The following GTF2H3 variants were observed in gnomAD, a reference collection of about 807,000 sequenced individuals.
The protein encoded by GTF2H3 is general transcription factor IIH subunit 3, also known as TFIIH basal transcription factor complex p34 subunit.
A neutral mutation model predicts 51.1 loss-of-function variants in GTF2H3; 42 were observed. The observed-to-expected ratio is 0.82, with a 90% CI of 0.64 to 1.06. The LOEUF (loss-of-function observed/expected upper bound fraction) is 1.06. Among genes scored for constraint, GTF2H3 ranks in the 50% least tolerant of loss-of-function variants. GTF2H3 has a pLI of 0.00. For synonymous variants in GTF2H3, 123 were observed against 123.8 expected, an observed-to-expected ratio of 0.99 and a Z score of 0.04; for missense variants, 326 against 366.1, an observed-to-expected ratio of 0.89 and a Z score of 0.89.
At chr12:123,636,485 G>A (rs1955285058) in intron 1 of GTF2H3, among the ~76,000 whole-genome samples, 1 of 152,158 alleles carries the variant, frequency 6.6e-6, no homozygotes, top group Non-Finnish European at 1.5e-5. Flanking sequence ...TATTAAATGA[G>A]CATCCTAGAG....
In GTF2H3 at chr12:123,648,015, C is replaced by T; in HGVS notation, c.253C>T (p.Pro85Ser). 2 of 1,612,948 alleles carry T rather than the reference C, an allele frequency of 1.2e-6. No individual in the cohort carries two copies. Among genetic ancestry groups the T allele is most frequent in the South Asian group, 2.2e-5 (2 of 91,014 alleles). The change falls in exon 4 of 13, where the codon CCT becomes TCT. Residue 85 changes from proline (P) to serine (S), a missense_variant. Physicochemically the swap from Pro to Ser is moderately conservative, Grantham distance 74 (BLOSUM62 -1). Transcript: ENST00000543341. The stretch of plus-strand genomic sequence containing the variant: ...CAGACTTGGAGACTTCTTCGGAGAC[C>T]CTGGCAACCCTCCTGAATTTAATCC... ...NGRLGDFFGDPGNPPEFNPSG... is the reference protein window; with the variant it reads ...NGRLGDFFGDSGNPPEFNPSG...
intron 7 of GTF2H3, 88 bp from the exon 8 acceptor site, chr12:123,654,833 ATGT>A: frequency 2.4e-6 from 2 of 822,800 alleles, no homozygotes; most frequent in South Asian, 2.8e-5. Context: ...AACTGGAATA[ATGT>A]TGGTTGTGGT....
chr12:123,642,681 C>T (rs911843646), intron 2 of GTF2H3, among the ~76,000 whole-genome samples: 1 of 152,148 alleles, frequency 6.6e-6, no homozygotes, highest in African/African-American at 2.4e-5. Flanking sequence ...AGATCCACTT[C>T]CACCCCTTCC....
chr12:123,636,029 C>G (rs1007974117), intron 1 of GTF2H3, among the ~76,000 whole-genome samples: 4 of 152,182 alleles, frequency 2.6e-5, no homozygotes, highest in Non-Finnish European at 5.9e-5. Flanking sequence ...TACCATATAT[C>G]ATATTTCAGC....
At chr12:123,638,792 CTTTTTTTTTTT>C (rs775845249) in intron 1 of GTF2H3, among the ~76,000 whole-genome samples, 1 of 119,768 alleles carries the variant, frequency 8.3e-6, no homozygotes, top group African/African-American at 3.2e-5. Context: ...TGCTTTAAAG[CTTTTTTTTTTT>C]TTTTTTTTTT....
chr12:123,652,630 G>A lies in GTF2H3; in HGVS notation c.457+69G>A, dbSNP rs548696384. 1.7e-5 allele frequency: 26 copies of A among 1,518,612 alleles called. No individual in the cohort carries two copies. The East Asian group carries it at 4.8e-4, about 28-fold the overall frequency. 94.1% of individuals were successfully genotyped at this position (1,518,612 alleles called of 1,614,324 possible). A position where few individuals can be genotyped will look rare whatever the true frequency, so the allele number is the denominator to read the frequency against. On this transcript the variant is annotated intron_variant, in intron 6 of 12. Transcript: ENST00000543341. ...TTTACTAGTATTTCTTTACTAGACTGTTTAAAAATTGGTTAGGAAACCATA... is the reference window on the plus strand; with the variant it reads ...TTTACTAGTATTTCTTTACTAGACTATTTAAAAATTGGTTAGGAAACCATA...
chr12:123,656,231 G>T, intron 9 of GTF2H3: 1 of 165,428 alleles, frequency 6.0e-6, no homozygotes, highest in South Asian at 1.6e-4. Flanking sequence ...GGGAGAGCGA[G>T]GTCCAATGGG....
intron 4 of GTF2H3, 126 bp downstream of exon 4, chr12:123,648,252 T>C: frequency 1.6e-6 from 1 of 633,934 alleles, no homozygotes; most frequent in Non-Finnish European, 2.6e-6. Flanking sequence ...TTAAAAATCA[T>C]TTTCGTCAAA....
chr12:123,645,772 G>T, intron 3 of GTF2H3, among the ~76,000 whole-genome samples: 1 of 152,158 alleles, frequency 6.6e-6, no homozygotes, highest in Non-Finnish European at 1.5e-5. Flanking sequence ...GTTACACAAT[G>T]GCCCATGTAA....
chr12:123,651,147 A>T, intron 5 of GTF2H3, 91 bp downstream of exon 5: 1 of 877,866 alleles, frequency 1.1e-6, no homozygotes, highest in Non-Finnish European at 1.9e-6. Context: ...GGTGCCCATT[A>T]CTGGGACATG....
In GTF2H3 at chr12:123,651,017, G is replaced by A; in HGVS notation, c.388G>A (p.Glu130Lys). The change falls in exon 5 of 13, where the codon GAA becomes AAA. Residue 130 changes from glutamate to lysine, a missense_variant. Transcript: ENST00000543341. ...TKSDIKGQHTETLLAGSLAKA... is the reference protein window; with the variant it reads ...TKSDIKGQHTKTLLAGSLAKA... ...AGGTGACATAAAGGGTCAACATACA[G>A]AAACTTTGCTGGCAGGATCCCTGGC... The A allele has an allele frequency of 6.2e-7, 1 of 1,613,274 alleles. No individual in the cohort carries two copies. Among genetic ancestry groups the A allele is most frequent in the Non-Finnish European group, 8.5e-7 (1 of 1,179,306 alleles).
chr12:123,638,411 T>A (rs1955317867), intron 1 of GTF2H3, among the ~76,000 whole-genome samples: 1 of 151,454 alleles, frequency 6.6e-6, no homozygotes, highest in East Asian at 1.9e-4. Flanking sequence ...CCTCAAGTGA[T>A]CCCCCCTCCT....
rs1403207667 is a variant in GTF2H3 at position 123,660,996 on chromosome 12, GA to G, written c.*762del. 6.6e-6 allele frequency: 1 copy of G among 150,970 alleles called. No homozygotes were observed. Among genetic ancestry groups the G allele is most frequent in the East Asian group, 1.9e-4 (1 of 5,188 alleles). The allele number at this position is 150,970 out of a possible 1,614,324, so 9.4% of individuals were successfully genotyped here. On this transcript the variant is annotated 3_prime_UTR_variant, in exon 13 of 13. Coordinates refer to ENST00000543341, the MANE Select transcript of GTF2H3 (RefSeq NM_001516.5). Reference sequence around the variant, plus strand: ...AGATAGAATTCTTTCCTTTTTTAATGAGGAAAAAAAATCCACATTAATATTG... The same window carrying G: ...AGATAGAATTCTTTCCTTTTTTAATGGGAAAAAAAATCCACATTAATATTG...
chr12:123,647,396 C>G (rs771823797), intron 3 of GTF2H3, among the ~76,000 whole-genome samples: 1 of 151,454 alleles, frequency 6.6e-6, no homozygotes, highest in Non-Finnish European at 1.5e-5. Context: ...CACTTGAGCC[C>G]GGGAGGTGGA....
In GTF2H3 at chr12:123,638,268, C is replaced by G. The variant is rs564893130; in HGVS notation, c.14-996C>G. 7.9e-5 allele frequency among the ~76,000 whole-genome samples: 12 copies of G among 152,172 alleles called. No homozygotes were observed. In the East Asian group the frequency reaches 2.1e-3, roughly 27 times the overall value. ...CCGCCTCCCGGGTTCAAGTGATTCT[C>G]CTGCCTCAGTCTCCCGAGTAGCTGG... On this transcript the variant is annotated intron_variant, in intron 1 of 12. Transcript: ENST00000543341.
At chr12:123,652,389 A>C in intron 5 of GTF2H3, 143 bp from the exon 6 acceptor site, 1 of 571,124 alleles carries the variant, frequency 1.8e-6, no homozygotes, top group Non-Finnish European at 3.1e-6. Flanking sequence ...ACTCTTGTGT[A>C]TTTATCTTGG....
chr12:123,656,453 G>T (rs767455601), intron 9 of GTF2H3, among the ~76,000 whole-genome samples: 5 of 152,116 alleles, frequency 3.3e-5, no homozygotes, highest in Admixed American at 2.6e-4. Context: ...ACTCCAAGAC[G>T]ATCTTGTCTC....
intron 9 of GTF2H3, among the ~76,000 whole-genome samples, chr12:123,658,566 A>T (rs1002275155): frequency 1.3e-5 from 2 of 152,202 alleles, no homozygotes; most frequent in African/African-American, 4.8e-5. Flanking sequence ...TCCTGGGCTC[A>T]AACAGTCCTG....
At chr12:123,641,816 A>T in intron 2 of GTF2H3, among the ~76,000 whole-genome samples, 1 of 151,710 alleles carries the variant, frequency 6.6e-6, no homozygotes, top group East Asian at 1.9e-4. Flanking sequence ...TCTTCTGTTG[A>T]TTTGATTAAT....
Sources: gnomAD v4.1 joint callset for allele counts (sites outside exome capture counted in the v4.1 genomes callset) on GRCh38, gnomAD v4.1.1 for gene constraint, MANE v1.5 for transcripts, NCBI Gene and HGNC (gene_info 2026-07-23, HGNC 2026-07-21) for gene names.